The following XRCC4 variants were observed in gnomAD, a reference collection of about 807,000 sequenced individuals.
XRCC4 encodes X-ray repair cross complementing 4, also known as DNA repair protein XRCC4.
Under a neutral mutation model 39.1 loss-of-function variants are expected in XRCC4, and 28 were observed. That is an observed-to-expected ratio of 0.72 (90% CI 0.53 to 0.98). The LOEUF is 0.98. XRCC4 is among the 50% of genes least tolerant of loss of function. The probability of loss-of-function intolerance (pLI) is 0.00; values close to 1 mark genes in which losing one functional copy is unlikely to be tolerated. For synonymous variants in XRCC4, 123 were observed against 126.4 expected, an observed-to-expected ratio of 0.97 and a Z score of 0.18; for missense variants, 350 against 376.4, an observed-to-expected ratio of 0.93 and a Z score of 0.58.
At chr5:83,176,705 C>G (rs1047042515) in intron 3 of XRCC4, among the ~76,000 whole-genome samples, 5 of 151,804 alleles carry the variant, frequency 3.3e-5, no homozygotes, top group Non-Finnish European at 5.9e-5. Flanking sequence ...TCACTGCAGC[C>G]TCCACTTTCA....
intron 3 of XRCC4, among the ~76,000 whole-genome samples, chr5:83,161,867 C>G (rs1406726130): frequency 2.6e-5 from 4 of 152,158 alleles, no homozygotes; most frequent in African/African-American, 9.7e-5. Context: ...ATCTCAAATT[C>G]TGGTTTGGCA....
the XRCC4 span, among the ~76,000 whole-genome samples, chr5:83,369,447 T>G: frequency 6.6e-6 from 1 of 152,176 alleles, no homozygotes; most frequent in Non-Finnish European, 1.5e-5. Flanking sequence ...GTTCCCGTCT[T>G]GTGTCCCTGT....
At chr5:83,100,678 A>G (rs1255475067) in intron 1 of XRCC4, among the ~76,000 whole-genome samples, 2 of 152,096 alleles carry the variant, frequency 1.3e-5, no homozygotes, top group African/African-American at 4.8e-5. Context: ...AGAGGCAAAA[A>G]ATGCTATGCC....
chr5:83,110,969 T>C, intron 2 of XRCC4, 59 bp from the exon 3 acceptor site: 1 of 1,483,628 alleles, frequency 6.7e-7, no homozygotes, highest in Non-Finnish European at 9.1e-7. Flanking sequence ...TAAACTAATA[T>C]TTTCTCATGT....
At chr5:83,140,667 A>T (rs983306957) in intron 3 of XRCC4, among the ~76,000 whole-genome samples, 2 of 152,246 alleles carry the variant, frequency 1.3e-5, no homozygotes, top group Admixed American at 1.3e-4. Context: ...ACAAATTTTT[A>T]AAATATAGTA....
intron 7 of XRCC4, among the ~76,000 whole-genome samples, chr5:83,265,010 A>G (rs1331912115): frequency 6.6e-6 from 1 of 152,118 alleles, no homozygotes; most frequent in Non-Finnish European, 1.5e-5. Flanking sequence ...AGAAATACAT[A>G]TATAGAGAGA....
intron 7 of XRCC4, among the ~76,000 whole-genome samples, chr5:83,275,497 G>A (rs1433516037): frequency 1.3e-5 from 2 of 151,746 alleles, no homozygotes; most frequent in African/African-American, 2.4e-5. Flanking sequence ...GGGTTTCACC[G>A]TTTTAGCCGG....
At chr5:83,277,503 C>A (rs970982823) in intron 7 of XRCC4, among the ~76,000 whole-genome samples, 1 of 152,206 alleles carries the variant, frequency 6.6e-6, no homozygotes, top group African/African-American at 2.4e-5. Context: ...TCATTTCAAT[C>A]CACTGACATG....
At chr5:83,311,733 T>C (rs1755715428) in intron 7 of XRCC4, among the ~76,000 whole-genome samples, 1 of 152,058 alleles carries the variant, frequency 6.6e-6, no homozygotes, top group Non-Finnish European at 1.5e-5. Context: ...TATATATTAT[T>C]AAACTCTTAA....
At chr5:83,232,072 T>C (rs1752515931) in intron 6 of XRCC4, among the ~76,000 whole-genome samples, 1 of 152,082 alleles carries the variant, frequency 6.6e-6, no homozygotes. Context: ...TTTGTGTCCC[T>C]CGTTATTCTT....
chr5:83,237,274 A>G (rs570425858), intron 6 of XRCC4, among the ~76,000 whole-genome samples: 1 of 152,258 alleles, frequency 6.6e-6, no homozygotes, highest in Admixed American at 6.5e-5. Flanking sequence ...GCTTATTGCA[A>G]CACTGTTCAC....
chr5:83,344,210 T>A (rs1170851954), intron 7 of XRCC4, among the ~76,000 whole-genome samples: 1 of 151,528 alleles, frequency 6.6e-6, no homozygotes, highest in African/African-American at 2.4e-5. Flanking sequence ...GTTTTGAAAT[T>A]TAAATAAATA....
chr5:83,316,083 A>T (rs192801196), intron 7 of XRCC4, among the ~76,000 whole-genome samples: 1 of 152,180 alleles, frequency 6.6e-6, no homozygotes, highest in East Asian at 1.9e-4. Context: ...AGTTTGGGAG[A>T]AGTTGATTCC....
chr5:83,083,699 A>G (rs933568136), intron 1 of XRCC4, among the ~76,000 whole-genome samples: 6 of 152,186 alleles, frequency 3.9e-5, no homozygotes, highest in African/African-American at 1.4e-4. Flanking sequence ...GCATTTGACC[A>G]TGAACCTGTA....
chr5:83,357,704 C>T (rs892348405), downstream of XRCC4, among the ~76,000 whole-genome samples: 1 of 152,190 alleles, frequency 6.6e-6, no homozygotes, highest in South Asian at 2.1e-4. Flanking sequence ...GCAGTTCTAA[C>T]TGGCACTTCC....
intron 7 of XRCC4, among the ~76,000 whole-genome samples, chr5:83,277,599 A>G (rs901317317): frequency 5.9e-5 from 9 of 152,244 alleles, no homozygotes; most frequent in African/African-American, 2.2e-4. Context: ...TTTTAGCACC[A>G]TCACACTCCT....
chr5:83,218,630 T>C (rs535919791), intron 6 of XRCC4, among the ~76,000 whole-genome samples: 1 of 152,234 alleles, frequency 6.6e-6, no homozygotes, highest in Non-Finnish European at 1.5e-5. Context: ...GTTTTGTTTT[T>C]TTACCATTGT....
At chr5:83,275,588 C>T (rs936001553) in intron 7 of XRCC4, among the ~76,000 whole-genome samples, 8 of 152,214 alleles carry the variant, frequency 5.3e-5, no homozygotes, top group Non-Finnish European at 1.2e-4. Flanking sequence ...AGCCACCGCG[C>T]CCGGCCCAGG....
At chr5:83,246,665 T>C (rs1330791794) in intron 6 of XRCC4, among the ~76,000 whole-genome samples, 1 of 152,180 alleles carries the variant, frequency 6.6e-6, no homozygotes, top group Non-Finnish European at 1.5e-5. Context: ...TGAGCATACA[T>C]GAAACATTTA....
Sources: gnomAD v4.1 joint callset for allele counts (sites outside exome capture counted in the v4.1 genomes callset) on GRCh38, gnomAD v4.1.1 for gene constraint, MANE v1.5 for transcripts, NCBI Gene and HGNC (gene_info 2026-07-23, HGNC 2026-07-21) for gene names.